The following ATP1B3 variants were observed in gnomAD, a reference collection of about 807,000 sequenced individuals.
ATP1B3 encodes the protein sodium/potassium-transporting ATPase subunit beta-3.
Under a neutral mutation model 30.2 loss-of-function variants are expected in ATP1B3, and 10 were observed. The ratio of observed to expected loss-of-function variants is 0.33; its 90% confidence interval spans 0.20 to 0.56. The LOEUF (loss-of-function observed/expected upper bound fraction) is 0.56, where lower values mean the gene tolerates loss of function less well. ATP1B3 is among the 20% of genes least tolerant of loss of function. ATP1B3 has a pLI of 0.90. For synonymous variants in ATP1B3, 113 were observed against 117.0 expected (o/e 0.97, Z 0.22); for missense variants, 238 against 336.7 (o/e 0.71, Z 2.29).
intron 1 of ATP1B3, among the ~76,000 whole-genome samples, chr3:141,896,636 T>A (rs1934071449): frequency 6.6e-6 from 1 of 152,238 alleles, no homozygotes; most frequent in African/African-American, 2.4e-5. Context: ...TTTGGTTTGC[T>A]TTTTCATTTT....
Position 141,903,621 on chromosome 3 carries a change from T to C in ATP1B3, c.111T>C (p.Gly37=). ...EFLGRTAKSW[G]LILLFYLVFY... ...CATAAGTTTTATTTTCTTTTACAGGTTTGATCTTGCTCTTCTACCTAGTTT... is the reference window on the plus strand; with the variant it reads ...CATAAGTTTTATTTTCTTTTACAGGCTTGATCTTGCTCTTCTACCTAGTTT... Residue 37 remains glycine, a splice_region_variant and synonymous_variant, in exon 2 of 7, where the codon GGT becomes GGC. Coordinates refer to ENST00000286371, the MANE Select transcript of ATP1B3 (RefSeq NM_001679.4). The C allele has an allele frequency of 5.6e-6, 9 of 1,613,762 alleles. No individual in the cohort carries two copies. Among genetic ancestry groups the C allele is most frequent in the Non-Finnish European group, 7.6e-6 (9 of 1,179,720 alleles).
intron 1 of ATP1B3, among the ~76,000 whole-genome samples, chr3:141,887,086 T>C (rs1449102258): frequency 6.6e-6 from 1 of 152,240 alleles, no homozygotes; most frequent in Non-Finnish European, 1.5e-5. Context: ...ATAAATGCTT[T>C]AGAATGGGAG....
At chr3:141,888,239 T>C (rs1933873992) in intron 1 of ATP1B3, among the ~76,000 whole-genome samples, 1 of 152,204 alleles carries the variant, frequency 6.6e-6, no homozygotes, top group East Asian at 1.9e-4. Flanking sequence ...TAATTGAGTG[T>C]TGGAGAATAT....
At chr3:141,891,150 A>G (rs761800573) in intron 1 of ATP1B3, among the ~76,000 whole-genome samples, 3 of 152,150 alleles carry the variant, frequency 2.0e-5, no homozygotes, top group Admixed American at 6.5e-5. Flanking sequence ...GAAAAATTCC[A>G]TTTTATATGG....
chr3:141,911,079 G>A (rs58645070), intron 3 of ATP1B3, among the ~76,000 whole-genome samples: 1 of 151,448 alleles, frequency 6.6e-6, no homozygotes, highest in South Asian at 2.1e-4. Context: ...ATTTTGCTGA[G>A]ACTTGACTGC....
At chr3:141,882,647 G>A (rs1228008157) in intron 1 of ATP1B3, among the ~76,000 whole-genome samples, 1 of 152,140 alleles carries the variant, frequency 6.6e-6, no homozygotes, top group East Asian at 1.9e-4. Context: ...GCAATGGTGC[G>A]ATATCGGCTC....
At chr3:141,899,697 C>A (rs1440029867) in intron 1 of ATP1B3, among the ~76,000 whole-genome samples, 2 of 152,140 alleles carry the variant, frequency 1.3e-5, no homozygotes, top group East Asian at 3.9e-4. Flanking sequence ...TGGAGAAACC[C>A]CGTCTCTACT....
intron 2 of ATP1B3, among the ~76,000 whole-genome samples, chr3:141,906,659 G>C (rs1042893375): frequency 6.6e-6 from 1 of 152,198 alleles, no homozygotes; most frequent in African/African-American, 2.4e-5. Context: ...TTTAATTACA[G>C]AGCAATATCT....
chr3:141,890,302 T>TGAGATGGAG, intron 1 of ATP1B3, among the ~76,000 whole-genome samples: 1 of 98,512 alleles, frequency 1.0e-5, no homozygotes, highest in Non-Finnish European at 2.1e-5. Context: ...TTTTTTTTTT[T>TGAGATGGAG]TTTTTTTTTT....
At chr3:141,887,670 T>C (rs979432883) in intron 1 of ATP1B3, among the ~76,000 whole-genome samples, 6 of 152,198 alleles carry the variant, frequency 3.9e-5, no homozygotes, top group Non-Finnish European at 8.8e-5. Context: ...CAGGTTTTTA[T>C]CAGCTAGGCG....
At position 141,907,073 on chromosome 3, in the gene ATP1B3, T is replaced by A. The variant is rs140154919; in HGVS notation, c.239-94T>A. Reference sequence around the variant, plus strand: ...TTTCAGCATACTGTCAACACAATTTTCCATGTAATTTGCTGAGATCTGCTT... The same window carrying A: ...TTTCAGCATACTGTCAACACAATTTACCATGTAATTTGCTGAGATCTGCTT... On this transcript the variant is annotated intron_variant, in intron 2 of 6. Transcript: ENST00000286371. 3 of 850,610 alleles carry A rather than the reference T, an allele frequency of 3.5e-6. No homozygotes were observed. The African/African-American group carries it at 5.2e-5, about 15-fold the overall frequency. 52.7% of individuals were successfully genotyped at this position (850,610 alleles called of 1,614,324 possible).
At chr3:141,896,152 G>A (rs1407987745) in intron 1 of ATP1B3, among the ~76,000 whole-genome samples, 1 of 152,004 alleles carries the variant, frequency 6.6e-6, no homozygotes, top group Non-Finnish European at 1.5e-5. Flanking sequence ...AGGAGTTTGA[G>A]AGCAGCCTGG....
intron 1 of ATP1B3, among the ~76,000 whole-genome samples, chr3:141,894,035 G>A (rs1324596501): frequency 6.6e-6 from 1 of 152,180 alleles, no homozygotes; most frequent in South Asian, 2.1e-4. Context: ...AATACTGTTA[G>A]CAATTGTAAC....
chr3:141,913,928 C>G, intron 4 of ATP1B3, 92 bp downstream of exon 4: 6 of 1,232,170 alleles, frequency 4.9e-6, no homozygotes, highest in Non-Finnish European at 6.7e-6. Flanking sequence ...TGGGTTAATG[C>G]CTTCCTTATT....
intron 4 of ATP1B3, among the ~76,000 whole-genome samples, chr3:141,915,055 A>T (rs1934429828): frequency 6.6e-6 from 1 of 152,252 alleles, no homozygotes; most frequent in Non-Finnish European, 1.5e-5. Context: ...TTGTAATCCC[A>T]GTCTACTAGA....
At chr3:141,877,913 TGAAA>T (rs1933638694) in intron 1 of ATP1B3, among the ~76,000 whole-genome samples, 1 of 152,146 alleles carries the variant, frequency 6.6e-6, no homozygotes, top group Non-Finnish European at 1.5e-5. Context: ...TAGTGGGTCT[TGAAA>T]GACCATTTCT....
rs546757189 is a variant in ATP1B3 at position 141,878,849 on chromosome 3, T to C, written c.109+1939T>C. On this transcript the variant is annotated intron_variant, in intron 1 of 6. Coordinates refer to ENST00000286371, the MANE Select transcript of ATP1B3 (RefSeq NM_001679.4). ...AAAATTAACCATAATCCTGTCCCAA[T>C]GTAAGGGTATCCCTCTAAGGATATG... Among the ~76,000 whole-genome samples, 4 of 152,262 alleles carry C rather than the reference T, an allele frequency of 2.6e-5. No individual in the cohort carries two copies. In the South Asian group the frequency reaches 8.3e-4, roughly 32 times the overall value.
chr3:141,914,753 G>A (rs1362768743), intron 4 of ATP1B3, among the ~76,000 whole-genome samples: 1 of 152,204 alleles, frequency 6.6e-6, no homozygotes, highest in Non-Finnish European at 1.5e-5. Context: ...ATCTTTTGAA[G>A]TTGGCACTGC....
In ATP1B3 at chr3:141,896,536, A is replaced by C. The variant is rs572481860; in HGVS notation, c.110-7084A>C. Among the ~76,000 whole-genome samples, 42 of 152,214 alleles carry C rather than the reference A, an allele frequency of 2.8e-4. No individual in the cohort carries two copies. The South Asian group carries it at 8.7e-3, about 32-fold the overall frequency. Reference sequence around the variant, plus strand: ...CGAGACCCTGTCTCTAAAATAAAATAAGTAATATGTTTTGTTGTAAAAGTT... The same window carrying C: ...CGAGACCCTGTCTCTAAAATAAAATCAGTAATATGTTTTGTTGTAAAAGTT... On this transcript the variant is annotated intron_variant, in intron 1 of 6. Coordinates refer to ENST00000286371, the MANE Select transcript of ATP1B3 (RefSeq NM_001679.4).
Sources: allele counts gnomAD v4.1 joint callset (sites outside exome capture counted in the v4.1 genomes callset), GRCh38; gene constraint gnomAD v4.1.1; transcripts MANE v1.5; gene names NCBI Gene and HGNC (gene_info 2026-07-23, HGNC 2026-07-21).